The following DENND10 variants were observed in gnomAD, a reference collection of about 807,000 sequenced individuals.
The protein encoded by DENND10 is DENN domain containing 10.
DENND10 carries 24 observed loss-of-function variants against 43.6 expected under a neutral mutation model. The ratio of observed to expected loss-of-function variants is 0.55; its 90% CI spans 0.40 to 0.77. The LOEUF (loss-of-function observed/expected upper bound fraction) is 0.77. Among genes scored for constraint, DENND10 ranks in the 30% least tolerant of loss-of-function variants. The pLI is 0.00. For synonymous variants in DENND10, 125 were observed against 157.6 expected (o/e 0.79, Z 1.55); for missense variants, 303 against 429.9 (o/e 0.70, Z 2.61).
At chr10:119,121,354 C>T (rs1845564211) in intron 5 of DENND10, among the ~76,000 whole-genome samples, 1 of 151,226 alleles carries the variant, frequency 6.6e-6, no homozygotes, top group African/African-American at 2.4e-5. Flanking sequence ...CTATGTTGGC[C>T]AGGCTGGTCT....
Position 119,117,585 on chromosome 10 carries a change from G to T in DENND10, c.399G>T (p.Gly133=), listed in dbSNP as rs747751815. 4 of 1,613,750 alleles carry T rather than the reference G, an allele frequency of 2.5e-6. No individual in the cohort carries two copies. The East Asian group carries it at 8.9e-5, about 36-fold the overall frequency. ...GTTATATTGCAGTTCTCACAAAGGGGATATGCCAGAGTGAAGAAAACGGCT... is the reference window on the plus strand; with the variant it reads ...GTTATATTGCAGTTCTCACAAAGGGTATATGCCAGAGTGAAGAAAACGGCT... ...MESYIAVLTK[G]ICQSEENGSF... is the part of the protein sequence containing the mutation. The change falls in exon 4 of 9, where the codon GGG becomes GGT. Residue 133 remains glycine, a synonymous_variant. Coordinates refer to ENST00000361432, the MANE Select transcript of DENND10 (RefSeq NM_207009.4).
At chr10:119,117,808 A>G (rs1268502216) in intron 4 of DENND10, 141 bp downstream of exon 4, 2 of 769,036 alleles carry the variant, frequency 2.6e-6, no homozygotes, top group Non-Finnish European at 4.0e-6. Context: ...TCCACTAAAA[A>G]TACAAAAAAT....
At chr10:119,118,045 T>C (rs1290502084) in intron 4 of DENND10, among the ~76,000 whole-genome samples, 6 of 152,080 alleles carry the variant, frequency 3.9e-5, no homozygotes, top group African/African-American at 1.4e-4. Context: ...AAAAACAGTC[T>C]CATTAGATCC....
In DENND10 at chr10:119,126,765, G is replaced by A. The variant is rs113996848; in HGVS notation, c.695-2750G>A. ...CAGGCGTGAGCCACTGCGCCCAGCCGTCTGTATTTTTTTTTAGAGACAAAG... is the reference window on the plus strand; with the variant it reads ...CAGGCGTGAGCCACTGCGCCCAGCCATCTGTATTTTTTTTTAGAGACAAAG... On this transcript the variant is annotated intron_variant, in intron 6 of 8. Transcript: ENST00000361432. Among the ~76,000 whole-genome samples, 1,294 of 152,018 alleles carry A rather than the reference G, an allele frequency of 8.5e-3. 19 individuals carry two copies. The highest frequency in any genetic ancestry group is 0.03 in the African/African-American group (1,241 of 41,480).
chr10:119,105,472 A>C (rs1367999623), intron 1 of DENND10: 4 of 1,071,320 alleles, frequency 3.7e-6, no homozygotes, highest in Non-Finnish European at 4.8e-6. Flanking sequence ...TTTTGTGGAG[A>C]TGGGATACCG....
chr10:119,113,167 G>A (rs1205784377), intron 3 of DENND10, among the ~76,000 whole-genome samples: 4 of 148,176 alleles, frequency 2.7e-5, no homozygotes, highest in Admixed American at 6.9e-5. Flanking sequence ...GGTTTTAGTC[G>A]TGATTTTTTT....
chr10:119,123,019 GC>G (rs1279062642), intron 5 of DENND10, among the ~76,000 whole-genome samples: 1 of 152,222 alleles, frequency 6.6e-6, no homozygotes, highest in Non-Finnish European at 1.5e-5. Context: ...TGTAATCCCA[GC>G]ACTTTGGGAG....
chr10:119,123,753 C>G (rs1324485263), intron 6 of DENND10, among the ~76,000 whole-genome samples, 184 bp downstream of exon 6: 5 of 152,054 alleles, frequency 3.3e-5, no homozygotes, highest in African/African-American at 1.2e-4. Flanking sequence ...CATGTGCCAC[C>G]ACGCCTGGCT....
At position 119,127,509 on chromosome 10, in the gene DENND10, C is replaced by T. The variant is rs560276582; in HGVS notation, c.695-2006C>T. The stretch of plus-strand genomic sequence containing the variant: ...ATTTTATTTTTTTGAGACAGAGTCT[C>T]GCTCTGTTGCCCAGGCTGGAGTGCA... On this transcript the variant is annotated intron_variant, in intron 6 of 8. Transcript: ENST00000361432. Among the ~76,000 whole-genome samples the T allele has an allele frequency of 1.1e-4, 16 of 151,678 alleles. No homozygotes were observed. In the South Asian group the frequency reaches 1.7e-3, roughly 16 times the overall value.
chr10:119,132,902 C>A lies in DENND10; in HGVS notation c.897+293C>A. On this transcript the variant is annotated intron_variant, in intron 8 of 8. Coordinates refer to ENST00000361432, the MANE Select transcript of DENND10 (RefSeq NM_207009.4). The surrounding 1 kb of genome is among the most constrained non-coding windows in gnomAD (Gnocchi z 4.2). Reference sequence around the variant, plus strand: ...GGTCTGGAAGGCTTTTCTGGGCCAGCCAGTGCATTCTTTCTTCCTAGGAGA... The same window carrying A: ...GGTCTGGAAGGCTTTTCTGGGCCAGACAGTGCATTCTTTCTTCCTAGGAGA... 2.7e-6 allele frequency: 1 copy of A among 371,702 alleles called. No homozygotes were observed. Among genetic ancestry groups the A allele is most frequent in the Non-Finnish European group, 4.9e-6 (1 of 204,046 alleles). The allele number at this position is 371,702 out of a possible 1,614,324, so 23.0% of individuals were successfully genotyped here. A position where few individuals can be genotyped will look rare whatever the true frequency, so the allele number is the denominator to read the frequency against.
At chr10:119,105,411 C>A in intron 1 of DENND10, 1 of 373,758 alleles carries the variant, frequency 2.7e-6, no homozygotes, top group Non-Finnish European at 4.2e-6. Flanking sequence ...CCTCGGCCTC[C>A]GAGTAGCTGG....
chr10:119,107,663 C>CA lies in DENND10; in HGVS notation c.56-302dup, dbSNP rs560761598. Among the ~76,000 whole-genome samples, 352 of 152,204 alleles carry CA rather than the reference C, an allele frequency of 2.3e-3. 3 individuals are homozygous for CA. Among genetic ancestry groups the CA allele is most frequent in the African/African-American group, 8.1e-3 (337 of 41,520 alleles). On this transcript the variant is annotated intron_variant, in intron 1 of 8. Coordinates refer to ENST00000361432, the MANE Select transcript of DENND10 (RefSeq NM_207009.4). Reference sequence around the variant, plus strand: ...AGGTAATCCACTCGCCTTGGCCTCCCAAAGTGATGGGATTACAAGCATGAG... The same window carrying CA: ...AGGTAATCCACTCGCCTTGGCCTCCCAAAAGTGATGGGATTACAAGCATGAG...
intron 4 of DENND10, among the ~76,000 whole-genome samples, chr10:119,118,386 C>T (rs947054042): frequency 5.3e-5 from 8 of 152,142 alleles, no homozygotes; most frequent in African/African-American, 1.7e-4. Flanking sequence ...TCTGAAGAGC[C>T]CAAGGCCTTG....
At chr10:119,119,010 A>AT (rs35810229) in intron 4 of DENND10, among the ~76,000 whole-genome samples, 7,231 of 142,088 alleles carry the variant, frequency 0.051, 492 homozygotes, top group African/African-American at 0.15. Context: ...CACCCAGCTA[A>AT]TTTTTTTTTT....
chr10:119,111,907 C>T lies in DENND10; in HGVS notation c.311C>T (p.Ala104Val), dbSNP rs1196715903. 6.2e-7 allele frequency: 1 copy of T among 1,611,330 alleles called. No homozygotes were observed. Among genetic ancestry groups the T allele is most frequent in the Non-Finnish European group, 8.5e-7 (1 of 1,177,612 alleles). ...AKDFNPEKYA[A>V]FTRILCRMYL... ...GATTTTAACCCAGAGAAGTATGCTG[C>T]CTTCACTAGGATATTGTGTAGGTCT... is the stretch of plus-strand genomic sequence containing the variant. The change falls in exon 3 of 9, where the codon GCC becomes GTC. Residue 104 changes from alanine (A) to valine (V), a missense_variant. By Grantham distance (64) the Ala-to-Val change is moderately conservative. Transcript: ENST00000361432.
At chr10:119,118,837 ATTTTT>A (rs33924884) in intron 4 of DENND10, among the ~76,000 whole-genome samples, 3 of 84,222 alleles carry the variant, frequency 3.6e-5, no homozygotes, top group Non-Finnish European at 7.1e-5. Flanking sequence ...TGCCCAGCTA[ATTTTT>A]TTTTTTTTTT....
rs762923985 is a variant in DENND10 at position 119,132,824 on chromosome 10, CAG to C, written c.897+216_897+217del. The C allele has an allele frequency of 1.6e-5, 9 of 553,140 alleles. No individual in the cohort carries two copies. Among genetic ancestry groups the C allele is most frequent in the African/African-American group, 5.7e-5 (3 of 52,894 alleles). 34.3% of individuals were successfully genotyped at this position (553,140 alleles called of 1,614,324 possible). ...TACTGGGCTCGAGGGCAGGTATACA[CAG>C]GGGCTGGTGCTGACACCGACCGCTG... On this transcript the variant is annotated intron_variant, in intron 8 of 8. Coordinates refer to ENST00000361432, the MANE Select transcript of DENND10 (RefSeq NM_207009.4). This position sits in a 1 kb window ranked among gnomAD's most constrained non-coding sequence, Gnocchi z 4.2.
At chr10:119,116,923 G>A (rs1845312260) in intron 3 of DENND10, among the ~76,000 whole-genome samples, 1 of 151,162 alleles carries the variant, frequency 6.6e-6, no homozygotes, top group Admixed American at 6.6e-5. Context: ...CAGGTGATTC[G>A]CCTGCTTTGC....
At chr10:119,130,004 TTTC>T (rs751169354) in intron 7 of DENND10, among the ~76,000 whole-genome samples, 12 of 151,978 alleles carry the variant, frequency 7.9e-5, no homozygotes, top group South Asian at 2.1e-4. Flanking sequence ...TCCTTTTTCT[TTTC>T]TTCTTCTTTT....
Sources: gnomAD v4.1 joint callset for allele counts (sites outside exome capture counted in the v4.1 genomes callset) on GRCh38, gnomAD v4.1.1 for gene constraint, Gnocchi (gnomAD v3.1) non-coding constraint, MANE v1.5 for transcripts, NCBI Gene and HGNC (gene_info 2026-07-23, HGNC 2026-07-21) for gene names.